TEF: variants seen among roughly 807,000 people sequenced by gnomAD.
TEF encodes thyrotroph embryonic factor.
In TEF, 3 loss-of-function variants were observed where a neutral mutation model predicts 20.8. That is an observed-to-expected ratio of 0.14 (90% CI 0.07 to 0.37). TEF has a LOEUF of 0.37. TEF is among the 10% of genes least tolerant of loss of function. TEF has a pLI of 1.00. For synonymous variants in TEF, 180 were observed against 171.1 expected (o/e 1.05, Z -0.41); for missense variants, 296 against 397.9 (o/e 0.74, Z 2.18).
chr22:41,396,440 T>G lies in TEF; in HGVS notation c.*480T>G, dbSNP rs17002428. ...GCACCTCATTCTCCCCAGACAGTCT[T>G]TGAGTAACATCTGTTCCCATCTTCC... On this transcript the variant is annotated 3_prime_UTR_variant, in exon 4 of 4. Coordinates refer to ENST00000266304, the MANE Select transcript of TEF (RefSeq NM_003216.4). 1.4e-4 allele frequency: 23 copies of G among 166,966 alleles called. No homozygotes were observed. The East Asian group carries it at 3.6e-3, about 26-fold the overall frequency. The allele number at this position is 166,966 out of a possible 1,614,324, so 10.3% of individuals were successfully genotyped here.
At chr22:41,382,962 C>T (rs1340684928) in intron 1 of TEF, 1 of 471,060 alleles carries the variant, frequency 2.1e-6, no homozygotes, top group South Asian at 1.5e-5. Flanking sequence ...AGGCCAGGAA[C>T]GTCACTGGGG....
At chr22:41,390,654 A>C (rs1023102981) in intron 2 of TEF, among the ~76,000 whole-genome samples, 1 of 151,654 alleles carries the variant, frequency 6.6e-6, no homozygotes, top group Non-Finnish European at 1.5e-5. Context: ...GCCCACCACC[A>C]CACCTGGCTA....
At chr22:41,369,325 G>C (rs756095100) in intron 1 of TEF, 1 of 877,598 alleles carries the variant, frequency 1.1e-6, no homozygotes, top group Non-Finnish European at 1.4e-6. Flanking sequence ...GTTTCAGGCA[G>C]AGCTTTGCCG....
intron 2 of TEF, among the ~76,000 whole-genome samples, chr22:41,390,596 G>C (rs1282843275): frequency 2.0e-5 from 3 of 148,728 alleles, no homozygotes; most frequent in East Asian, 4.0e-4. Context: ...CCGCCTCGCA[G>C]GTTCAAGTTC....
At chr22:41,393,389 T>C (rs535940051) in intron 2 of TEF, among the ~76,000 whole-genome samples, 2 of 151,388 alleles carry the variant, frequency 1.3e-5, no homozygotes, top group African/African-American at 4.9e-5. Context: ...TCAGTCTGTG[T>C]CTGCCTGGAG....
chr22:41,378,303 G>C (rs2036971360), upstream of TEF, among the ~76,000 whole-genome samples: 1 of 150,380 alleles, frequency 6.6e-6, no homozygotes, highest in Non-Finnish European at 1.5e-5. Flanking sequence ...CGAGTAGCTG[G>C]GATTACAGGC....
At chr22:41,382,564 A>C (rs1465136105) in intron 1 of TEF, among the ~76,000 whole-genome samples, 13 of 152,090 alleles carry the variant, frequency 8.5e-5, no homozygotes, top group Admixed American at 8.5e-4. Context: ...ATCTGCGGTC[A>C]CTGGGACAGG....
At chr22:41,381,381 T>C (rs2037019078), upstream of TEF, among the ~76,000 whole-genome samples, 1 of 146,210 alleles carries the variant, frequency 6.8e-6, no homozygotes, top group African/African-American at 2.5e-5. Context: ...CTCCATTGGC[T>C]GTTCCCGCGC....
chr22:41,382,000 G>T lies in TEF; in HGVS notation c.-45G>T. 1 of 1,229,772 alleles carries T rather than the reference G, an allele frequency of 8.1e-7. No individual in the cohort carries two copies. The highest frequency in any genetic ancestry group is 1.0e-6 in the Non-Finnish European group (1 of 986,654). The allele number at this position is 1,229,772 out of a possible 1,614,324, so 76.2% of individuals were successfully genotyped here. ...TCGCACGGCTCCGGCCCATCTCGGG[G>T]GGCGGGCGGGGGAGGCGAGGTGCGC... On this transcript the variant is annotated 5_prime_UTR_variant, in exon 1 of 4. Coordinates refer to ENST00000266304, the MANE Select transcript of TEF (RefSeq NM_003216.4).
At position 41,397,123 on chromosome 22, in the gene TEF, A is replaced by G. The variant is rs540954662; in HGVS notation, c.*1163A>G. ...GTCAGCAGGGCAAGACACCTAGTCT[A>G]GAGTCACCAAGGTCACAGTGCCACT... On this transcript the variant is annotated 3_prime_UTR_variant, in exon 4 of 4. Coordinates refer to ENST00000266304, the MANE Select transcript of TEF (RefSeq NM_003216.4). The G allele has an allele frequency of 6.2e-4, 249 of 398,688 alleles. No homozygotes were observed. Among genetic ancestry groups the G allele is most frequent in the Non-Finnish European group, 9.8e-4 (222 of 226,136 alleles). The allele number at this position is 398,688 out of a possible 1,614,324, so 24.7% of individuals were successfully genotyped here.
At chr22:41,367,620 C>A in intron 1 of TEF, 1 of 1,550,208 alleles carries the variant, frequency 6.5e-7, no homozygotes, top group Non-Finnish European at 8.7e-7. Context: ...AGGTGACCTG[C>A]ATTGATTGGC....
chr22:41,368,405 G>C (rs2036844904), intron 1 of TEF, among the ~76,000 whole-genome samples: 1 of 152,058 alleles, frequency 6.6e-6, no homozygotes, highest in Admixed American at 6.5e-5. Flanking sequence ...CCTCTCAGGG[G>C]ACCTTTCTCA....
chr22:41,381,464 G>A (rs1232610859), upstream of TEF, among the ~76,000 whole-genome samples: 2 of 152,148 alleles, frequency 1.3e-5, no homozygotes, highest in Non-Finnish European at 2.9e-5. Context: ...GGGTGGACAC[G>A]CCGCGCGAGC....
chr22:41,377,436 T>A (rs770146297), upstream of TEF, among the ~76,000 whole-genome samples: 4 of 152,230 alleles, frequency 2.6e-5, no homozygotes, highest in Non-Finnish European at 5.9e-5. Flanking sequence ...CTTAATCGTG[T>A]AATAACATGT....
chr22:41,390,755 A>G (rs2037155303), intron 2 of TEF, among the ~76,000 whole-genome samples: 1 of 151,686 alleles, frequency 6.6e-6, no homozygotes, highest in Admixed American at 6.6e-5. Flanking sequence ...TGCCTCGGAA[A>G]GTGCTGGGAT....
At chr22:41,389,568 G>A (rs918878111) in intron 2 of TEF, among the ~76,000 whole-genome samples, 3 of 151,932 alleles carry the variant, frequency 2.0e-5, no homozygotes, top group Admixed American at 6.6e-5. Context: ...GCAGTGAGCC[G>A]AGATGGCGCC....
chr22:41,379,634 G>A (rs937282190), upstream of TEF, among the ~76,000 whole-genome samples: 2 of 152,198 alleles, frequency 1.3e-5, no homozygotes, highest in Non-Finnish European at 2.9e-5. Flanking sequence ...GGATGCCGAG[G>A]CGGGTGGATC....
chr22:41,374,051 C>T (rs545780287), intron 1 of TEF, among the ~76,000 whole-genome samples: 1 of 152,146 alleles, frequency 6.6e-6, no homozygotes, highest in African/African-American at 2.4e-5. Context: ...CATGAGCCAC[C>T]GCGCCCAGCC....
At chr22:41,383,545 A>G (rs571663742) in intron 1 of TEF, among the ~76,000 whole-genome samples, 1 of 152,272 alleles carries the variant, frequency 6.6e-6, no homozygotes, top group South Asian at 2.1e-4. Flanking sequence ...CTCTTCCCAG[A>G]TGAGGAAAAT....
Sources: gnomAD v4.1 joint callset for allele counts (sites outside exome capture counted in the v4.1 genomes callset) on GRCh38, gnomAD v4.1.1 for gene constraint, MANE v1.5 for transcripts, NCBI Gene and HGNC (gene_info 2026-07-23, HGNC 2026-07-21) for gene names.